Variants in SMCHD1 observed in about 807,000 individuals in gnomAD.
SMCHD1 encodes the protein structural maintenance of chromosomes flexible hinge domain-containing protein 1.
In SMCHD1, 78 loss-of-function variants were observed where a neutral mutation model predicts 254.7. The ratio of observed to expected loss-of-function variants is 0.31; its 90% confidence interval spans 0.26 to 0.37. The LOEUF is 0.37. Ranked by LOEUF, SMCHD1 falls within the 10% of genes least tolerant of loss-of-function variation. The pLI, the probability that SMCHD1 is intolerant of heterozygous loss-of-function variation, is 1.00. For missense variants in SMCHD1, 1,840 were observed against 2,408.1 expected (o/e 0.76, Z 4.94); for synonymous variants, 766 against 794.9 (o/e 0.96, Z 0.61).
chr18:2,798,272 TTGAG>T (rs1272802818), intron 47 of SMCHD1, among the ~76,000 whole-genome samples: 4 of 152,192 alleles, frequency 2.6e-5, no homozygotes, highest in African/African-American at 9.6e-5. Flanking sequence ...TTGATATCTC[TTGAG>T]TATCACACAT....
At chr18:2,764,927 C>A (rs1598419855) in intron 37 of SMCHD1, among the ~76,000 whole-genome samples, 1 of 152,110 alleles carries the variant, frequency 6.6e-6, no homozygotes, top group East Asian at 1.9e-4. Context: ...ATATTTTAAG[C>A]CTTTTGGTAG....
At chr18:2,730,279 C>A (rs574850004) in intron 24 of SMCHD1, among the ~76,000 whole-genome samples, 3 of 151,932 alleles carry the variant, frequency 2.0e-5, no homozygotes, top group Non-Finnish European at 4.4e-5. Flanking sequence ...CACGCCATTC[C>A]CCTGCCTCAG....
chr18:2,764,084 T>C (rs1242795628), intron 37 of SMCHD1: 1 of 218,124 alleles, frequency 4.6e-6, no homozygotes, highest in African/African-American at 2.3e-5. Flanking sequence ...GTTATGTGGA[T>C]AGAAACAAAA....
rs1435755373 is a variant in SMCHD1 at position 2,738,389 on chromosome 18, T to C, written c.3277-8T>C. The C allele has an allele frequency of 6.4e-7, 1 of 1,574,698 alleles. No homozygotes were observed. The highest frequency in any genetic ancestry group is 1.2e-5 in the South Asian group (1 of 85,694). On this transcript the variant is annotated splice_polypyrimidine_tract_variant and splice_region_variant and intron_variant, in intron 25 of 47. Transcript: ENST00000320876. Reference sequence around the variant, plus strand: ...TTTATTATTGTTAAATATCTCTTTTTCTCCTAGGTTAATTGGACTCCTGAG... The same window carrying C: ...TTTATTATTGTTAAATATCTCTTTTCCTCCTAGGTTAATTGGACTCCTGAG...
intron 12 of SMCHD1, among the ~76,000 whole-genome samples, chr18:2,701,829 A>T (rs1250477990): frequency 1.3e-5 from 2 of 152,136 alleles, no homozygotes. Flanking sequence ...CAAGAAATAG[A>T]TGATTTTATT....
In SMCHD1 at chr18:2,720,714, A is replaced by G. The variant is rs192456293; in HGVS notation, c.2459-1805A>G. Among the ~76,000 whole-genome samples the G allele has an allele frequency of 4.2e-3, 639 of 152,282 alleles. 3 individuals carry two copies. Among genetic ancestry groups the G allele is most frequent in the African/African-American group, 0.015 (616 of 41,550 alleles). On this transcript the variant is annotated intron_variant, in intron 19 of 47. Coordinates refer to ENST00000320876, the MANE Select transcript of SMCHD1 (RefSeq NM_015295.3). ...GGGGCGGTCCTCATATTTAGTATAT[A>G]ATTTTCCACGTGATTTTCCTATTTT...
In SMCHD1 at chr18:2,779,727, G is replaced by C. The variant is rs191095226; in HGVS notation, c.5547+1488G>C. Among the ~76,000 whole-genome samples the C allele has an allele frequency of 3.9e-5, 6 of 152,268 alleles. No individual in the cohort carries two copies. In the East Asian group the frequency reaches 1.2e-3, roughly 29 times the overall value. On this transcript the variant is annotated intron_variant, in intron 44 of 47. Transcript: ENST00000320876. ...CTACTTGGGAAGCTGAGGGAGGTTT[G>C]CTTGAACCCAAGAGTTCAAGGCTAT...
intron 35 of SMCHD1, 130 bp downstream of exon 35, chr18:2,760,869 G>T: frequency 1.9e-6 from 1 of 528,146 alleles, no homozygotes; most frequent in Non-Finnish European, 3.4e-6. Context: ...TTGTTTAAAA[G>T]TGAAGTAATT....
At position 2,769,699 on chromosome 18, in the gene SMCHD1, G is replaced by T; in HGVS notation, c.4725G>T (p.Leu1575=). The change falls in exon 38 of 48, where the codon CTG becomes CTT. Residue 1575 remains leucine (L), a synonymous_variant. Transcript: ENST00000320876. ...TTGTTTGTTTATATGTACAGAGTCT[G>T]GTGCTGGCAGAAAGTAGTCCTGGAA... is the stretch of plus-strand genomic sequence containing the variant. ...FVNGSAEIMS[L]VLAESSPGRD... The T allele has an allele frequency of 6.3e-7, 1 of 1,597,866 alleles. No homozygotes were observed.
At chr18:2,759,044 C>T (rs1291292884) in intron 34 of SMCHD1, among the ~76,000 whole-genome samples, 3 of 152,198 alleles carry the variant, frequency 2.0e-5, no homozygotes, top group East Asian at 1.9e-4. Flanking sequence ...TTCTGTTTGA[C>T]GTTTTCAGTT....
intron 45 of SMCHD1, 53 bp from the exon 46 acceptor site, chr18:2,795,896 T>G (rs886409499): frequency 6.8e-7 from 1 of 1,475,510 alleles, no homozygotes; most frequent in Non-Finnish European, 9.1e-7. Context: ...CCCTAAAACA[T>G]GAGTTTGGTT....
Position 2,760,719 on chromosome 18 carries a change from A to T in SMCHD1, c.4414A>T (p.Asn1472Tyr). The T allele has an allele frequency of 6.2e-7, 1 of 1,601,928 alleles. No individual in the cohort carries two copies. Among genetic ancestry groups the T allele is most frequent in the Non-Finnish European group, 8.6e-7 (1 of 1,169,420 alleles). The change falls in exon 35 of 48, where the codon AAT becomes TAT. Residue 1472 changes from asparagine (N) to tyrosine (Y), a missense_variant. This residue lies in a region of SMCHD1 where 881 missense variants were observed against 1,009.5 expected (regional missense o/e 0.87). Coordinates refer to ENST00000320876, the MANE Select transcript of SMCHD1 (RefSeq NM_015295.3). Reference sequence around the variant, plus strand: ...GTTTGGTTTTATGATGGATAAAACAAATATTCTCAACAGTGAACAGGTTTG... The same window carrying T: ...GTTTGGTTTTATGATGGATAAAACATATATTCTCAACAGTGAACAGGTTTG... ...IQFGFMMDKTNILNSEQVIVE... is the reference protein window; with the variant it reads ...IQFGFMMDKTYILNSEQVIVE...
chr18:2,788,117 A>T (rs1442494244), intron 45 of SMCHD1, among the ~76,000 whole-genome samples: 1 of 152,136 alleles, frequency 6.6e-6, no homozygotes, highest in Non-Finnish European at 1.5e-5. Flanking sequence ...AATCATTCTC[A>T]GAGCAAAAGC....
chr18:2,689,454 C>T (rs1328101229), intron 7 of SMCHD1, among the ~76,000 whole-genome samples: 2 of 151,964 alleles, frequency 1.3e-5, no homozygotes, highest in Non-Finnish European at 2.9e-5. Flanking sequence ...CTCCTGACCT[C>T]AAGTGATCCG....
Position 2,688,714 on chromosome 18 carries a change from G to GGC in SMCHD1, c.841_842dup (p.Ile282GlnfsTer31). On this transcript the variant is annotated frameshift_variant, in exon 7 of 48. Transcript: ENST00000320876. LOFTEE classifies it high-confidence loss of function. ...TTGAGAAGAAGGAGAAAAATAAAGA[G>GGC]GCAATATATAGTGGATATATTAGAA... 6.8e-7 allele frequency: 1 copy of GGC among 1,464,410 alleles called. No homozygotes were observed. The highest frequency in any genetic ancestry group is 9.4e-7 in the Non-Finnish European group (1 of 1,068,458). The allele number at this position is 1,464,410 out of a possible 1,614,324, so 90.7% of individuals were successfully genotyped here.
chr18:2,678,634 T>G lies in SMCHD1; in HGVS notation c.638+4489T>G, dbSNP rs1416252251. ...GCGCCTGGCTTGTCTTTTCTAATTA[T>G]GTAATTACCGCTACCTTATTTTCTG... On this transcript the variant is annotated intron_variant, in intron 5 of 47. Coordinates refer to ENST00000320876, the MANE Select transcript of SMCHD1 (RefSeq NM_015295.3). Among the ~76,000 whole-genome samples the G allele has an allele frequency of 2.0e-5, 3 of 152,088 alleles. No individual in the cohort carries two copies. The South Asian group carries it at 6.2e-4, about 32-fold the overall frequency.
At position 2,671,595 on chromosome 18, in the gene SMCHD1, C is replaced by CTT. The variant is rs760647745; in HGVS notation, c.425-1669_425-1668dup. ...TCAAGTTATGTTGATCTTTTCTTTT[C>CTT]TTTTTTTTTTTTTTTTTTGAGACAG... is the stretch of plus-strand genomic sequence containing the variant. On this transcript the variant is annotated intron_variant, in intron 3 of 47. Coordinates refer to ENST00000320876, the MANE Select transcript of SMCHD1 (RefSeq NM_015295.3). Among the ~76,000 whole-genome samples the CTT allele has an allele frequency of 2.9e-3, 349 of 119,554 alleles. 7 individuals carry two copies. Among genetic ancestry groups the CTT allele is most frequent in the African/African-American group, 5.4e-3 (164 of 30,588 alleles). 78.4% of individuals were successfully genotyped at this position (119,554 alleles called of 152,430 possible).
intron 5 of SMCHD1, among the ~76,000 whole-genome samples, chr18:2,679,030 TAG>T (rs963819308): frequency 6.6e-6 from 1 of 151,258 alleles, no homozygotes; most frequent in Non-Finnish European, 1.5e-5. Context: ...GTATTTTTAG[TAG>T]AGTCGAGGTT....
chr18:2,672,077 CCTT>C (rs754305902), intron 3 of SMCHD1, among the ~76,000 whole-genome samples: 15 of 152,016 alleles, frequency 9.9e-5, no homozygotes, highest in Non-Finnish European at 1.5e-4. Flanking sequence ...CTACAGTGTC[CCTT>C]CTTCATTTTC....
Sources: gnomAD v4.1 joint callset for allele counts (sites outside exome capture counted in the v4.1 genomes callset) on GRCh38, gnomAD v4.1.1 for gene constraint, gnomAD v4.1.1 regional missense constraint, MANE v1.5 for transcripts, NCBI Gene and HGNC (gene_info 2026-07-23, HGNC 2026-07-21) for gene names.